The following RYR2 variants were observed in gnomAD, a reference collection of about 807,000 sequenced individuals.
The protein encoded by RYR2 is ryanodine receptor 2, also known as cardiac muscle ryanodine receptor-calcium release channel.
Under a neutral mutation model 601.1 loss-of-function variants are expected in RYR2, and 227 were observed. That is an observed-to-expected ratio of 0.38 (90% CI 0.34 to 0.42). The LOEUF is 0.42. RYR2 is among the 10% of genes least tolerant of loss of function. RYR2 has a pLI of 1.00. For synonymous variants in RYR2, 2,223 were observed against 2,175.1 expected, an observed-to-expected ratio of 1.02 and a Z score of -0.61; for missense variants, 4,646 against 6,156.5, an observed-to-expected ratio of 0.75 and a Z score of 8.21.
At chr1:237,719,649 T>C (rs925879950) in intron 73 of RYR2, among the ~76,000 whole-genome samples, 12 of 152,070 alleles carry the variant, frequency 7.9e-5, no homozygotes, top group African/African-American at 2.9e-4. Context: ...CGTGATCAAC[T>C]CAGCTCCCAC....
chr1:237,338,925 T>C (rs1240830255), intron 3 of RYR2, among the ~76,000 whole-genome samples: 1 of 152,198 alleles, frequency 6.6e-6, no homozygotes, highest in Non-Finnish European at 1.5e-5. Context: ...TAAATTGTGT[T>C]CTGTATATTA....
At position 237,443,884 on chromosome 1, in the gene RYR2, A is replaced by G. The variant is rs148061091; in HGVS notation, c.1171-1517A>G. 5.6e-3 allele frequency among the ~76,000 whole-genome samples: 853 copies of G among 152,298 alleles called. 4 individuals are homozygous for G. Among genetic ancestry groups the G allele is most frequent in the Non-Finnish European group, 8.4e-3 (574 of 68,022 alleles). ...GTTCTTTGAAACTTTATCACAGCTC[A>G]CCTGTGAAACCAGCTGGTCCTAGGT... On this transcript the variant is annotated intron_variant, in intron 13 of 104. Transcript: ENST00000366574.
In RYR2 at chr1:237,821,253, G is replaced by A. The variant is rs145790266; in HGVS notation, c.14590+2061G>A. On this transcript the variant is annotated intron_variant, in intron 101 of 104. Coordinates refer to ENST00000366574, the MANE Select transcript of RYR2 (RefSeq NM_001035.3). Reference sequence around the variant, plus strand: ...TGGGAGATACCTCCCAGTAGGGGCCGACAGACACCTTATACAGGAGAGCCC... The same window carrying A: ...TGGGAGATACCTCCCAGTAGGGGCCAACAGACACCTTATACAGGAGAGCCC... Among the ~76,000 whole-genome samples, 856 of 152,228 alleles carry A rather than the reference G, an allele frequency of 5.6e-3. 12 individuals carry two copies. The highest frequency in any genetic ancestry group is 0.02 in the African/African-American group (822 of 41,516).
At chr1:237,564,235 T>G (rs1671739913) in intron 27 of RYR2, among the ~76,000 whole-genome samples, 1 of 152,162 alleles carries the variant, frequency 6.6e-6, no homozygotes. Flanking sequence ...GACTTTCCTG[T>G]TTGTTTAGTA....
In RYR2 at chr1:237,073,984, G is replaced by A. The variant is rs971263328; in HGVS notation, c.48+31415G>A. Among the ~76,000 whole-genome samples the A allele has an allele frequency of 7.3e-5, 11 of 150,968 alleles. No individual in the cohort carries two copies. In the South Asian group the frequency reaches 1.0e-3, roughly 14 times the overall value. On this transcript the variant is annotated intron_variant, in intron 1 of 104. Coordinates refer to ENST00000366574, the MANE Select transcript of RYR2 (RefSeq NM_001035.3). ...TTAATTTCACCTTTTCCTTTTCGTC[G>A]TATTTTTTTTAACCATGGCTATGAG...
chr1:237,404,312 G>A (rs906723220), intron 10 of RYR2, among the ~76,000 whole-genome samples: 5 of 152,146 alleles, frequency 3.3e-5, no homozygotes, highest in African/African-American at 1.2e-4. Context: ...CATGAGTCAA[G>A]GGGAAAGTAA....
At chr1:237,107,292 C>A (rs149331098) in intron 1 of RYR2, among the ~76,000 whole-genome samples, 1 of 151,484 alleles carries the variant, frequency 6.6e-6, no homozygotes, top group Admixed American at 6.6e-5. Context: ...GAGGCTGAGG[C>A]GGGCGGATCA....
At chr1:237,349,597 G>A (rs750021320) in intron 3 of RYR2, among the ~76,000 whole-genome samples, 5 of 152,104 alleles carry the variant, frequency 3.3e-5, no homozygotes, top group Non-Finnish European at 5.9e-5. Flanking sequence ...AATGCATAAC[G>A]ATAATAACTC....
At chr1:237,333,699 C>T in intron 3 of RYR2, 1 of 454,944 alleles carries the variant, frequency 2.2e-6, no homozygotes, top group Non-Finnish European at 4.4e-6. Context: ...CAAATATCAT[C>T]TTTTCTAGTG....
At chr1:237,596,725 C>G (rs950033739) in intron 34 of RYR2, among the ~76,000 whole-genome samples, 1 of 152,094 alleles carries the variant, frequency 6.6e-6, no homozygotes, top group Non-Finnish European at 1.5e-5. Flanking sequence ...ATCAAACTGT[C>G]AAATATCAAA....
rs1198338963 is a variant in RYR2, at chr1:237,617,473, C to T, written c.5903C>T (p.Pro1968Leu). The part of the protein sequence containing the change: ...TARKTKEFRS[P>L]PQEQINMLLN... ...AGGAAGACAAAGGAATTTAGATCACCACCTCAAGAACAGGTACAGAAATGA... is the reference window on the plus strand; with the variant it reads ...AGGAAGACAAAGGAATTTAGATCACTACCTCAAGAACAGGTACAGAAATGA... The change falls in exon 38 of 105, where the codon CCA (proline) becomes CTA (leucine). Residue 1968 changes from proline (P) to leucine (L), a missense_variant. This residue lies in a region of RYR2 where 7 missense variants were observed against 26.9 expected (regional missense o/e 0.26). Coordinates refer to ENST00000366574, the MANE Select transcript of RYR2 (RefSeq NM_001035.3). The T allele has an allele frequency of 1.2e-6, 2 of 1,613,750 alleles. No homozygotes were observed. Among genetic ancestry groups the T allele is most frequent in the South Asian group, 2.2e-5 (2 of 91,044 alleles).
intron 35 of RYR2, 116 bp downstream of exon 35, chr1:237,602,227 T>G: frequency 1.4e-6 from 1 of 690,138 alleles, no homozygotes; most frequent in South Asian, 3.3e-5. Flanking sequence ...TAAATCATTC[T>G]TTCAAGAAAA....
chr1:237,109,612 C>T (rs192880303), intron 1 of RYR2, among the ~76,000 whole-genome samples: 1 of 152,270 alleles, frequency 6.6e-6, no homozygotes, highest in East Asian at 1.9e-4. Context: ...GGCAGCATCT[C>T]CTCTCTGCAG....
intron 1 of RYR2, among the ~76,000 whole-genome samples, chr1:237,266,774 C>G: frequency 6.6e-6 from 1 of 151,774 alleles, no homozygotes; most frequent in Admixed American, 6.6e-5. Flanking sequence ...TATAGCCTCT[C>G]TCCTTGGTGG....
chr1:237,764,921 C>A (rs10802632), intron 84 of RYR2, among the ~76,000 whole-genome samples: 98,417 of 151,934 alleles, frequency 0.65, 32,334 homozygotes, highest in African/African-American at 0.7. Flanking sequence ...GTATCTACAG[C>A]TTTCAGATGA....
At chr1:237,502,167 A>T (rs570807759) in intron 21 of RYR2, among the ~76,000 whole-genome samples, 3 of 152,192 alleles carry the variant, frequency 2.0e-5, no homozygotes, top group Non-Finnish European at 4.4e-5. Flanking sequence ...CACACAAAAA[A>T]AGAATTACGA....
At chr1:237,520,968 CAG>C (rs888620879) in intron 24 of RYR2, among the ~76,000 whole-genome samples, 1 of 152,008 alleles carries the variant, frequency 6.6e-6, no homozygotes, top group Non-Finnish European at 1.5e-5. Flanking sequence ...ACCTGGGAGA[CAG>C]AGTTTGCCAT....
At chr1:237,188,834 G>A (rs1234036932) in intron 1 of RYR2, among the ~76,000 whole-genome samples, 2 of 151,994 alleles carry the variant, frequency 1.3e-5, no homozygotes, top group African/African-American at 4.8e-5. Flanking sequence ...GACTCGATGC[G>A]GACTGCCTTA....
chr1:237,793,221 C>T (rs1354300365), intron 94 of RYR2, among the ~76,000 whole-genome samples: 1 of 152,144 alleles, frequency 6.6e-6, no homozygotes, highest in African/African-American at 2.4e-5. Context: ...CCTTTCCTCC[C>T]GTTTATTCTG....
Sources: allele counts gnomAD v4.1 joint callset (sites outside exome capture counted in the v4.1 genomes callset), GRCh38; gene constraint gnomAD v4.1.1; regional missense constraint gnomAD v4.1.1; transcripts MANE v1.5; gene names NCBI Gene and HGNC (gene_info 2026-07-23, HGNC 2026-07-21).